Variants in SLC9B1 observed in about 807,000 individuals in gnomAD.
SLC9B1 encodes sodium/hydrogen exchanger 9B1.
In SLC9B1, 32 loss-of-function variants were observed where a neutral mutation model predicts 51.7. The ratio of observed to expected loss-of-function variants is 0.62; its 90% CI spans 0.47 to 0.83. The LOEUF is 0.83. SLC9B1 is among the 40% of genes least tolerant of loss of function. The pLI, the probability that SLC9B1 is intolerant of heterozygous loss-of-function variation, is 0.00. For missense variants in SLC9B1, 406 were observed against 613.2 expected, an observed-to-expected ratio of 0.66 and a Z score of 3.57; for synonymous variants, 145 against 212.7, an observed-to-expected ratio of 0.68 and a Z score of 2.77.
chr4:102,983,629 A>G (rs1388562944), intron 3 of SLC9B1, among the ~76,000 whole-genome samples: 1 of 152,136 alleles, frequency 6.6e-6, no homozygotes, highest in Non-Finnish European at 1.5e-5. Context: ...CTTTCAAGGA[A>G]TTGGTCCTTT....
intron 1 of SLC9B1, among the ~76,000 whole-genome samples, chr4:103,013,911 C>T (rs1458349601): frequency 6.6e-6 from 1 of 152,178 alleles, no homozygotes; most frequent in Non-Finnish European, 1.5e-5. Flanking sequence ...AGCATTTCCC[C>T]ACCTAAACAC....
At chr4:102,946,008 A>C (rs1190420049) in intron 5 of SLC9B1, among the ~76,000 whole-genome samples, 1 of 152,144 alleles carries the variant, frequency 6.6e-6, no homozygotes, top group Non-Finnish European at 1.5e-5. Flanking sequence ...TCCTGTGGAG[A>C]AAATGTCATA....
At chr4:103,012,250 A>G (rs926949023) in intron 1 of SLC9B1, among the ~76,000 whole-genome samples, 5 of 152,230 alleles carry the variant, frequency 3.3e-5, no homozygotes, top group Non-Finnish European at 5.9e-5. Context: ...TTCACAAAGC[A>G]TTAGGACACA....
intron 7 of SLC9B1, among the ~76,000 whole-genome samples, chr4:102,925,532 C>A (rs879391490): frequency 2.6e-5 from 4 of 151,698 alleles, no homozygotes; most frequent in Non-Finnish European, 2.9e-5. Context: ...GCACATGTAC[C>A]CTAGAACTTA....
intron 3 of SLC9B1, among the ~76,000 whole-genome samples, chr4:102,977,810 CT>C (rs1739152532): frequency 6.6e-6 from 1 of 151,958 alleles, no homozygotes. Flanking sequence ...AAAACATATT[CT>C]TTTTTTATTA....
chr4:102,924,005 C>G (rs550684261), intron 7 of SLC9B1, among the ~76,000 whole-genome samples: 359 of 152,242 alleles, frequency 2.4e-3, no homozygotes, highest in Non-Finnish European at 3.5e-3. Flanking sequence ...AGATTCAATG[C>G]CATCCCCATC....
At chr4:103,016,566 T>C (rs1022624044) in intron 1 of SLC9B1, 1 of 152,098 alleles carries the variant, frequency 6.6e-6, no homozygotes, top group Non-Finnish European at 1.5e-5. Flanking sequence ...TTTATTTTAT[T>C]TGACTTCTAA....
At chr4:102,912,184 G>GA (rs1366785472) in intron 7 of SLC9B1, 4 of 151,964 alleles carry the variant, frequency 2.6e-5, no homozygotes, top group African/African-American at 9.7e-5. Context: ...GAGAGAGACC[G>GA]AAACACTTGT....
At chr4:102,989,630 T>A (rs1023830086) in intron 3 of SLC9B1, among the ~76,000 whole-genome samples, 170 bp downstream of exon 3, 1 of 152,002 alleles carries the variant, frequency 6.6e-6, no homozygotes, top group African/African-American at 2.4e-5. Context: ...TGTTTTTATC[T>A]TTGAAAGATT....
chr4:102,954,500 C>T (rs1737678598), intron 3 of SLC9B1, among the ~76,000 whole-genome samples: 1 of 148,554 alleles, frequency 6.7e-6, no homozygotes. Flanking sequence ...AGAGATTAAT[C>T]ATAATCGAAT....
At chr4:102,891,671 T>C (rs1734255665) in intron 11 of SLC9B1, 1 of 152,206 alleles carries the variant, frequency 6.6e-6, no homozygotes, top group South Asian at 2.1e-4. Flanking sequence ...CACAGGAAGT[T>C]TTCCCATTCA....
At chr4:102,914,897 C>T (rs1241185825) in intron 7 of SLC9B1, among the ~76,000 whole-genome samples, 1 of 152,068 alleles carries the variant, frequency 6.6e-6, no homozygotes, top group African/African-American at 2.4e-5. Context: ...CAAAGAACTC[C>T]AAGTTGGATA....
intron 11 of SLC9B1, among the ~76,000 whole-genome samples, chr4:102,893,535 T>C (rs1296316853): frequency 1.3e-5 from 2 of 152,214 alleles, no homozygotes; most frequent in African/African-American, 4.8e-5. Context: ...ATAATTCCAA[T>C]GTTATTTAAA....
At chr4:102,965,701 C>A (rs1447242814) in intron 3 of SLC9B1, among the ~76,000 whole-genome samples, 1 of 151,992 alleles carries the variant, frequency 6.6e-6, no homozygotes, top group Non-Finnish European at 1.5e-5. Flanking sequence ...TTAATGTATT[C>A]CAGTAACAAT....
downstream of SLC9B1, among the ~76,000 whole-genome samples, chr4:102,900,076 A>G (rs1275133437): frequency 6.6e-6 from 1 of 152,216 alleles, no homozygotes; most frequent in African/African-American, 2.4e-5. Context: ...TGTAAATGTC[A>G]TATTCTGTGG....
chr4:102,892,379 C>G (rs905779115), intron 11 of SLC9B1: 12 of 152,116 alleles, frequency 7.9e-5, no homozygotes, highest in African/African-American at 2.9e-4. Flanking sequence ...TTGCAGAAAT[C>G]CAATTTAGTA....
intron 1 of SLC9B1, among the ~76,000 whole-genome samples, chr4:103,016,194 C>CAATA (rs1048679847): frequency 6.9e-6 from 1 of 145,868 alleles, no homozygotes; most frequent in African/African-American, 2.6e-5. Context: ...TACCTAAGGC[C>CAATA]AATACTTCTA....
At chr4:102,910,677 GATATT>G in intron 8 of SLC9B1, 89 bp from the exon 9 acceptor site, 2 of 582,726 alleles carry the variant, frequency 3.4e-6, no homozygotes, top group Middle Eastern at 1.2e-3. Context: ...TTGACCCTCT[GATATT>G]ATGTCTTTAA....
intron 3 of SLC9B1, among the ~76,000 whole-genome samples, chr4:102,957,782 ATGTGTG>A (rs199987719): frequency 1.1e-3 from 169 of 146,966 alleles, no homozygotes; most frequent in African/African-American, 4.0e-3. Flanking sequence ...ATGTGTGTAT[ATGTGTG>A]TGTGTGTGTG....
Sources: allele counts gnomAD v4.1 joint callset (sites outside exome capture counted in the v4.1 genomes callset), GRCh38; gene constraint gnomAD v4.1.1; transcripts MANE v1.5; gene names NCBI Gene and HGNC (gene_info 2026-07-23, HGNC 2026-07-21).